VSX2: variants seen among roughly 807,000 people sequenced by gnomAD.
The protein encoded by VSX2 is ceh-10 homeo domain containing homolog.
A neutral mutation model predicts 32.1 loss-of-function variants in VSX2; 28 were observed. That is an observed-to-expected ratio of 0.87 (90% confidence interval 0.65 to 1.20). The LOEUF (loss-of-function observed/expected upper bound fraction) is 1.20. Ranked by LOEUF, VSX2 falls within the 50% of genes most tolerant of loss-of-function variation. The probability of loss-of-function intolerance (pLI) is 0.00; values close to 1 mark genes in which losing one functional copy is unlikely to be tolerated. For synonymous variants in VSX2, 243 were observed against 214.1 expected (o/e 1.14, Z -1.18); for missense variants, 506 against 488.7 (o/e 1.04, Z -0.33).
At position 74,239,705 on chromosome 14, in the gene VSX2, C is replaced by A; in HGVS notation, c.144C>A (p.His48Gln). Residue 48 changes from histidine to glutamine, a missense_variant, in exon 1 of 5, where the codon CAC becomes CAA. By Grantham distance (24) the His-to-Gln change is conservative (BLOSUM62 0). Coordinates refer to ENST00000261980, the MANE Select transcript of VSX2 (RefSeq NM_182894.3). ...LGLNKEPPSS[H>Q]PRAALDGLAP... ...TGAACAAGGAGCCCCCGAGCTCCCA[C>A]CCGCGGGCAGCGCTCGACGGCCTGG... 6.5e-7 allele frequency: 1 copy of A among 1,549,780 alleles called. No homozygotes were observed. The highest frequency in any genetic ancestry group is 8.7e-7 in the Non-Finnish European group (1 of 1,146,804).
chr14:74,243,051 G>C (rs1168849329), intron 2 of VSX2, among the ~76,000 whole-genome samples: 3 of 152,186 alleles, frequency 2.0e-5, no homozygotes, highest in Non-Finnish European at 4.4e-5. Context: ...GAAGGGAGAA[G>C]GTTATTGGAG....
intron 1 of VSX2, 38 bp from the exon 2 acceptor site, chr14:74,241,144 C>T: frequency 6.2e-7 from 1 of 1,601,310 alleles, no homozygotes; most frequent in African/African-American, 1.3e-5. Context: ...CGGAGCGCGT[C>T]CCCCACTCTG....
chr14:74,253,789 G>T (rs1252643351), intron 3 of VSX2, among the ~76,000 whole-genome samples: 1 of 151,922 alleles, frequency 6.6e-6, no homozygotes, highest in African/African-American at 2.4e-5. Flanking sequence ...AATTAGCCAG[G>T]CATGGTGGCA....
At chr14:74,247,900 G>A (rs375669804) in intron 3 of VSX2, among the ~76,000 whole-genome samples, 8 of 151,652 alleles carry the variant, frequency 5.3e-5, no homozygotes, top group African/African-American at 1.7e-4. Flanking sequence ...GCAAGTCCTC[G>A]CCCTCCCTCG....
chr14:74,248,334 T>TAAAAAA (rs781035795), intron 3 of VSX2, among the ~76,000 whole-genome samples: 25 of 84,710 alleles, frequency 3.0e-4, no homozygotes, highest in East Asian at 1.3e-3. Flanking sequence ...GAGACCAGGC[T>TAAAAAA]AAAAAAAAAA....
intron 3 of VSX2, among the ~76,000 whole-genome samples, chr14:74,258,959 C>T (rs560877136): frequency 6.6e-6 from 1 of 152,332 alleles, no homozygotes; most frequent in African/African-American, 2.4e-5. Flanking sequence ...CTGTGGGGAG[C>T]AGGTACCTGG....
intron 2 of VSX2, among the ~76,000 whole-genome samples, chr14:74,242,887 T>A (rs1428947866): frequency 3.9e-5 from 6 of 152,126 alleles, no homozygotes; most frequent in Admixed American, 3.3e-4. Context: ...CATCAGGACA[T>A]CTCACTGCAT....
At chr14:74,248,546 C>T (rs1341454323) in intron 3 of VSX2, among the ~76,000 whole-genome samples, 1 of 151,558 alleles carries the variant, frequency 6.6e-6, no homozygotes, top group Non-Finnish European at 1.5e-5. Context: ...TAAAAATTAG[C>T]CGAGCATGGT....
intron 3 of VSX2, among the ~76,000 whole-genome samples, chr14:74,255,257 G>A (rs1249516717): frequency 6.6e-6 from 1 of 152,190 alleles, no homozygotes; most frequent in East Asian, 1.9e-4. Flanking sequence ...CTTCCAGGAA[G>A]GGAATAGAAA....
rs945691031 is a variant in VSX2 at position 74,248,938 on chromosome 14, G to A, written c.579+3650G>A. 1.2e-4 allele frequency among the ~76,000 whole-genome samples: 18 copies of A among 152,134 alleles called. 1 individual carries two copies. Among genetic ancestry groups the A allele is most frequent in the Admixed American group, 1.2e-3 (18 of 15,282 alleles). ...CCCCTGGGCTGCCATTGGTAGAATGGGGGTGCAGGGCAGGTTAAGTTTAAC... is the reference window on the plus strand; with the variant it reads ...CCCCTGGGCTGCCATTGGTAGAATGAGGGTGCAGGGCAGGTTAAGTTTAAC... On this transcript the variant is annotated intron_variant, in intron 3 of 4. Transcript: ENST00000261980.
At chr14:74,258,973 G>A (rs2139645457) in intron 3 of VSX2, among the ~76,000 whole-genome samples, 1 of 152,330 alleles carries the variant, frequency 6.6e-6, no homozygotes, top group Admixed American at 6.5e-5. Flanking sequence ...TACCTGGAGG[G>A]CACATGTGGT....
intron 3 of VSX2, among the ~76,000 whole-genome samples, chr14:74,254,545 TTTCTTCCC>T: frequency 6.6e-6 from 1 of 152,342 alleles, no homozygotes; most frequent in East Asian, 1.9e-4. Flanking sequence ...AGGCTGGATC[TTTCTTCCC>T]CTCCTCCTGG....
chr14:74,244,910 G>GAGAGAGAAAGAGAGAGAGAA (rs1566884371), intron 2 of VSX2, among the ~76,000 whole-genome samples: 1 of 121,704 alleles, frequency 8.2e-6, no homozygotes, highest in African/African-American at 3.1e-5. Context: ...GTGTGTGTGT[G>GAGAGAGAAAGAGAGAGAGAA]TGTGTGTGTG....
intron 3 of VSX2, among the ~76,000 whole-genome samples, chr14:74,248,547 C>T (rs12433272): frequency 0.71 from 107,037 of 151,376 alleles, 40,876 homozygotes; most frequent in Admixed American, 0.84. Flanking sequence ...AAAAATTAGC[C>T]GAGCATGGTG....
chr14:74,259,728 A>G lies in VSX2; in HGVS notation c.706A>G (p.Ile236Val). The change falls in exon 4 of 5, where the codon ATC (isoleucine) becomes GTC (valine). Residue 236 changes from isoleucine to valine, a missense_variant. Transcript: ENST00000261980. ...GCACTCCATCCCCCTGCCCGAGTCC[A>G]TCCTCAAGTCAGCCAAGGATGGCAT... ...VRHSIPLPES[I>V]LKSAKDGIMD... 6.2e-7 allele frequency: 1 copy of G among 1,613,728 alleles called. No individual in the cohort carries two copies. Among genetic ancestry groups the G allele is most frequent in the Non-Finnish European group, 8.5e-7 (1 of 1,179,718 alleles).
chr14:74,247,143 C>A (rs993101609), intron 3 of VSX2, among the ~76,000 whole-genome samples: 1 of 152,050 alleles, frequency 6.6e-6, no homozygotes, highest in Non-Finnish European at 1.5e-5. Flanking sequence ...TGAATGCTAC[C>A]CCCAGAAGCT....
chr14:74,247,678 C>T (rs1329590045), intron 3 of VSX2, among the ~76,000 whole-genome samples: 1 of 152,140 alleles, frequency 6.6e-6, no homozygotes. Context: ...GCACTGCCCA[C>T]CTCTTCTGTT....
intron 1 of VSX2, 35 bp downstream of exon 1, chr14:74,239,966 G>T: frequency 6.5e-7 from 1 of 1,544,322 alleles, no homozygotes; most frequent in African/African-American, 1.4e-5. Flanking sequence ...TGCCTGACTG[G>T]GGGGCGACAG....
intron 3 of VSX2, among the ~76,000 whole-genome samples, chr14:74,257,000 T>C (rs1048811202): frequency 6.6e-6 from 1 of 151,962 alleles, no homozygotes; most frequent in African/African-American, 2.4e-5. Flanking sequence ...TGTAGATTAG[T>C]CCTTTTGGAT....
Sources: allele counts gnomAD v4.1 joint callset (sites outside exome capture counted in the v4.1 genomes callset), GRCh38; gene constraint gnomAD v4.1.1; transcripts MANE v1.5; gene names NCBI Gene and HGNC (gene_info 2026-07-23, HGNC 2026-07-21).